The following NXPH2 variants were observed in gnomAD, a reference collection of about 807,000 sequenced individuals.
NXPH2 encodes the protein neurexophilin 2.
A neutral mutation model predicts 19.8 loss-of-function variants in NXPH2; 5 were observed. That is an observed-to-expected ratio of 0.25 (90% CI 0.13 to 0.53). The LOEUF (loss-of-function observed/expected upper bound fraction) is 0.53. Ranked by LOEUF, NXPH2 falls within the 20% of genes least tolerant of loss-of-function variation. NXPH2 has a pLI of 0.96. For missense variants in NXPH2, 289 were observed against 322.8 expected, an observed-to-expected ratio of 0.90 and a Z score of 0.80; for synonymous variants, 154 against 127.4, an observed-to-expected ratio of 1.21 and a Z score of -1.41.
rs537984291 is a variant in NXPH2 at position 138,692,784 on chromosome 2, T to TA, written c.52-21120dup. Among the ~76,000 whole-genome samples the TA allele has an allele frequency of 2.0e-4, 31 of 152,300 alleles. No individual in the cohort carries two copies. In the East Asian group the frequency reaches 6.0e-3, roughly 29 times the overall value. On this transcript the variant is annotated intron_variant, in intron 1 of 1. Transcript: ENST00000272641. ...TTCTAATATTTATAAAGATATTACA[T>TA]AAATAGCAGAGGATAGCAGAGGAGA...
At chr2:138,717,437 T>A (rs1385422611) in intron 1 of NXPH2, among the ~76,000 whole-genome samples, 1 of 151,364 alleles carries the variant, frequency 6.6e-6, no homozygotes, top group Non-Finnish European at 1.5e-5. Context: ...ATGATCAAAG[T>A]GCCAGCCGAT....
intron 1 of NXPH2, among the ~76,000 whole-genome samples, chr2:138,702,169 T>C (rs55692270): frequency 0.23 from 35,711 of 152,020 alleles, 4,974 homozygotes; most frequent in Non-Finnish European, 0.28. Flanking sequence ...CAGGCTGGAG[T>C]ACAGTGGCAC....
intron 1 of NXPH2, among the ~76,000 whole-genome samples, chr2:138,738,426 C>A (rs550854308): frequency 5.3e-5 from 8 of 152,236 alleles, no homozygotes; most frequent in Admixed American, 1.3e-4. Context: ...ATTTTCATCT[C>A]CCCTTATTGT....
intron 1 of NXPH2, among the ~76,000 whole-genome samples, chr2:138,774,345 T>C (rs1682225520): frequency 6.6e-6 from 1 of 152,206 alleles, no homozygotes; most frequent in Non-Finnish European, 1.5e-5. Context: ...TCCTTTTCCG[T>C]AAGCACAGAT....
rs1467618848 is a variant in NXPH2, at chr2:138,713,853, T to C, written c.52-42188A>G. 2.0e-5 allele frequency among the ~76,000 whole-genome samples: 3 copies of C among 152,148 alleles called. No individual in the cohort carries two copies. The East Asian group carries it at 5.8e-4, about 29-fold the overall frequency. ...CCTTTCTATTTTCAGCGTAAATTAC[T>C]GAACAATCCTCCAGATACTGATTTT... On this transcript the variant is annotated intron_variant, in intron 1 of 1. Coordinates refer to ENST00000272641, the MANE Select transcript of NXPH2 (RefSeq NM_007226.3).
At chr2:138,699,311 G>T (rs1026028189) in intron 1 of NXPH2, among the ~76,000 whole-genome samples, 2 of 152,118 alleles carry the variant, frequency 1.3e-5, no homozygotes, top group Admixed American at 6.6e-5. Flanking sequence ...ATAGCCCAGG[G>T]AGAAAAGAGC....
At position 138,731,430 on chromosome 2, in the gene NXPH2, T is replaced by A. The variant is rs1330017729; in HGVS notation, c.51+48761A>T. The stretch of plus-strand genomic sequence containing the variant: ...TGATGACCCAGGAAACCCAAATGTA[T>A]AAATAGATCCTCTAGAGAAGAACAT... On this transcript the variant is annotated intron_variant, in intron 1 of 1. Transcript: ENST00000272641. Among the ~76,000 whole-genome samples the A allele has an allele frequency of 2.6e-5, 4 of 152,248 alleles. No homozygotes were observed. The East Asian group carries it at 7.7e-4, about 29-fold the overall frequency.
At chr2:138,683,673 C>T (rs937852457) in intron 1 of NXPH2, among the ~76,000 whole-genome samples, 2 of 152,114 alleles carry the variant, frequency 1.3e-5, no homozygotes, top group Admixed American at 1.3e-4. Flanking sequence ...ATCCAGTTAA[C>T]CAAACACTAA....
At chr2:138,672,336 T>A (rs891143019) in intron 1 of NXPH2, among the ~76,000 whole-genome samples, 6 of 152,178 alleles carry the variant, frequency 3.9e-5, no homozygotes, top group African/African-American at 1.2e-4. Context: ...TATATATGAG[T>A]TAATAAATTT....
intron 1 of NXPH2, among the ~76,000 whole-genome samples, chr2:138,779,660 T>TC (rs1360485105): frequency 2.6e-5 from 4 of 151,924 alleles, no homozygotes; most frequent in South Asian, 2.1e-4. Context: ...ATCCAAGCTG[T>TC]CCCCCAAATC....
At chr2:138,693,007 T>A (rs773061636) in intron 1 of NXPH2, among the ~76,000 whole-genome samples, 1 of 152,226 alleles carries the variant, frequency 6.6e-6, no homozygotes, top group Non-Finnish European at 1.5e-5. Flanking sequence ...AAAAGAAGAT[T>A]CAAACAAGCT....
chr2:138,710,597 C>A (rs1482920344), intron 1 of NXPH2, among the ~76,000 whole-genome samples: 1 of 152,152 alleles, frequency 6.6e-6, no homozygotes, highest in African/African-American at 2.4e-5. Context: ...TGAAGGTTAT[C>A]TTGAAGTTAC....
chr2:138,766,139 G>A (rs1359325055), intron 1 of NXPH2, among the ~76,000 whole-genome samples: 1 of 152,140 alleles, frequency 6.6e-6, no homozygotes, highest in Non-Finnish European at 1.5e-5. Context: ...GTGTGCACTG[G>A]GCACAGTGCC....
chr2:138,733,850 AAGTC>A (rs1199684080), intron 1 of NXPH2, among the ~76,000 whole-genome samples: 1 of 152,194 alleles, frequency 6.6e-6, no homozygotes, highest in Non-Finnish European at 1.5e-5. Context: ...CCTGAAAACA[AAGTC>A]AGGGATAGTG....
chr2:138,703,717 A>G (rs1391308892), intron 1 of NXPH2, among the ~76,000 whole-genome samples: 1 of 152,240 alleles, frequency 6.6e-6, no homozygotes, highest in African/African-American at 2.4e-5. Flanking sequence ...AAAATGAAAC[A>G]TAACAACAGT....
At chr2:138,774,111 A>C (rs80140033) in intron 1 of NXPH2, among the ~76,000 whole-genome samples, 357 of 152,356 alleles carry the variant, frequency 2.3e-3, no homozygotes, top group African/African-American at 8.1e-3. Context: ...GATGAAGAAC[A>C]GTATTAATCT....
intron 1 of NXPH2, among the ~76,000 whole-genome samples, chr2:138,674,073 G>T (rs1216531510): frequency 6.6e-6 from 1 of 151,468 alleles, no homozygotes; most frequent in African/African-American, 2.4e-5. Context: ...AAACTCCTGG[G>T]CTCAAGTGAT....
At chr2:138,694,087 C>G (rs1680790499) in intron 1 of NXPH2, among the ~76,000 whole-genome samples, 1 of 152,096 alleles carries the variant, frequency 6.6e-6, no homozygotes, top group Non-Finnish European at 1.5e-5. Context: ...GACTTTCCAT[C>G]AAGGTAAAAC....
At chr2:138,779,084 T>C (rs1184395439) in intron 1 of NXPH2, among the ~76,000 whole-genome samples, 1 of 151,884 alleles carries the variant, frequency 6.6e-6, no homozygotes, top group Non-Finnish European at 1.5e-5. Flanking sequence ...TTCCCCCTAA[T>C]AGGAAAAGAA....
Sources: allele counts gnomAD v4.1 joint callset (sites outside exome capture counted in the v4.1 genomes callset), GRCh38; gene constraint gnomAD v4.1.1; transcripts MANE v1.5; gene names NCBI Gene and HGNC (gene_info 2026-07-23, HGNC 2026-07-21).